The following UMAD1 variants were observed in gnomAD, a reference collection of about 807,000 sequenced individuals.
UMAD1 encodes the protein UBAP1-MVB12-associated (UMA) domain containing 1, also known as UBAP1-MVB12-associated (UMA)-domain containing protein 1.
A neutral mutation model predicts 6.1 loss-of-function variants in UMAD1; 8 were observed. The ratio of observed to expected loss-of-function variants is 1.30; its 90% CI spans 0.76 to 2.35. The LOEUF is 2.35. Among genes scored for constraint, UMAD1 ranks in the 30% most tolerant of loss-of-function variants. UMAD1 has a pLI of 0.00. For synonymous variants in UMAD1, 56 were observed against 31.4 expected, an observed-to-expected ratio of 1.78 and a Z score of -2.61; for missense variants, 130 against 78.4, an observed-to-expected ratio of 1.66 and a Z score of -2.49.
At chr7:7,745,176 C>T (rs930876758) in intron 2 of UMAD1, among the ~76,000 whole-genome samples, 3 of 152,144 alleles carry the variant, frequency 2.0e-5, no homozygotes, top group Non-Finnish European at 4.4e-5. Context: ...TAAAGGTCTT[C>T]ATTCTTGTTG....
At chr7:7,662,517 T>G (rs1343474745) in intron 1 of UMAD1, among the ~76,000 whole-genome samples, 1 of 151,990 alleles carries the variant, frequency 6.6e-6, no homozygotes. Context: ...CGGACCGGAG[T>G]GCACTGTTCC....
intron 2 of UMAD1, among the ~76,000 whole-genome samples, chr7:7,718,811 C>T (rs1321657558): frequency 6.6e-6 from 1 of 152,016 alleles, no homozygotes; most frequent in African/African-American, 2.4e-5. Context: ...CCAGCATTAG[C>T]TTTATTTAAC....
intron 2 of UMAD1, among the ~76,000 whole-genome samples, chr7:7,751,801 C>T (rs1014748175): frequency 6.6e-6 from 1 of 152,120 alleles, no homozygotes; most frequent in African/African-American, 2.4e-5. Context: ...AATGTGTTCA[C>T]GTGATCATAT....
At chr7:7,820,004 T>C (rs1783210466) in intron 3 of UMAD1, among the ~76,000 whole-genome samples, 1 of 152,214 alleles carries the variant, frequency 6.6e-6, no homozygotes, top group South Asian at 2.1e-4. Context: ...AGCAAAACAA[T>C]TGACCATGAC....
At chr7:7,871,229 G>A (rs1439151690) in intron 3 of UMAD1, among the ~76,000 whole-genome samples, 1 of 152,072 alleles carries the variant, frequency 6.6e-6, no homozygotes, top group Non-Finnish European at 1.5e-5. Flanking sequence ...CAAAATATTA[G>A]CATCTTTTTT....
chr7:7,726,029 A>G (rs559384093), intron 2 of UMAD1, among the ~76,000 whole-genome samples: 20 of 152,292 alleles, frequency 1.3e-4, no homozygotes, highest in Non-Finnish European at 2.2e-4. Flanking sequence ...ATGGAAGGAG[A>G]GATGGCCAAA....
chr7:7,794,003 A>G (rs1162170847), intron 2 of UMAD1, among the ~76,000 whole-genome samples: 2 of 152,214 alleles, frequency 1.3e-5, no homozygotes, highest in Non-Finnish European at 2.9e-5. Context: ...AAAGTGCATT[A>G]GGAAATCAAC....
chr7:7,673,730 GA>G (rs1779672277), intron 2 of UMAD1, among the ~76,000 whole-genome samples: 1 of 150,372 alleles, frequency 6.7e-6, no homozygotes, highest in African/African-American at 2.5e-5. Flanking sequence ...TTTAACTGTG[GA>G]AAATCTAAAG....
chr7:7,857,419 TAGGTCCCA>T (rs1784038430), intron 3 of UMAD1, among the ~76,000 whole-genome samples: 1 of 152,252 alleles, frequency 6.6e-6, no homozygotes, highest in South Asian at 2.1e-4. Flanking sequence ...GATTGCAGCC[TAGGTCCCA>T]ACCATCTGGC....
chr7:7,855,997 C>T lies in UMAD1; in HGVS notation c.157-21284C>T, dbSNP rs575525476. ...CCAGTTCCCATCAAGTTTCTTATCTCCACCTGAGACCACTCACCCTGGACT... is the reference window on the plus strand; with the variant it reads ...CCAGTTCCCATCAAGTTTCTTATCTTCACCTGAGACCACTCACCCTGGACT... On this transcript the variant is annotated intron_variant, in intron 3 of 3. Coordinates refer to ENST00000682710, the MANE Select transcript of UMAD1 (RefSeq NM_001302348.2). Among the ~76,000 whole-genome samples, 7 of 152,320 alleles carry T rather than the reference C, an allele frequency of 4.6e-5. 1 individual carries two copies. The highest frequency in any genetic ancestry group is 1.7e-4 in the African/African-American group (7 of 41,568).
intron 2 of UMAD1, chr7:7,675,993 C>T: frequency 2.5e-6 from 1 of 395,094 alleles, no homozygotes; most frequent in Non-Finnish European, 4.5e-6. Flanking sequence ...CTGTGGGTAC[C>T]ATTACTCTCC....
chr7:7,836,973 C>G (rs1783583800), intron 3 of UMAD1, among the ~76,000 whole-genome samples: 1 of 151,066 alleles, frequency 6.6e-6, no homozygotes, highest in African/African-American at 2.4e-5. Context: ...AAAAATCTGT[C>G]TTCAGATTTA....
At chr7:7,705,169 T>C (rs1234513175) in intron 2 of UMAD1, among the ~76,000 whole-genome samples, 3 of 152,210 alleles carry the variant, frequency 2.0e-5, no homozygotes, top group Non-Finnish European at 2.9e-5. Flanking sequence ...GATCTCAACT[T>C]AGGAATCTTG....
chr7:7,769,468 G>T (rs1182996640), intron 2 of UMAD1, among the ~76,000 whole-genome samples: 1 of 152,082 alleles, frequency 6.6e-6, no homozygotes, highest in Non-Finnish European at 1.5e-5. Context: ...TTTTCTTCAT[G>T]CGCCTTAGAG....
chr7:7,852,020 T>C (rs1482312667), intron 3 of UMAD1, among the ~76,000 whole-genome samples: 2 of 152,178 alleles, frequency 1.3e-5, no homozygotes. Context: ...TTTTATAGGC[T>C]TTTGATCAAC....
intron 1 of UMAD1, among the ~76,000 whole-genome samples, chr7:7,658,878 T>C: frequency 6.6e-6 from 1 of 152,216 alleles, no homozygotes; most frequent in East Asian, 1.9e-4. Context: ...TCAGAAGGAA[T>C]GGTACCAGCT....
At chr7:7,809,616 C>G (rs1782985096) in intron 3 of UMAD1, among the ~76,000 whole-genome samples, 1 of 151,892 alleles carries the variant, frequency 6.6e-6, no homozygotes, top group African/African-American at 2.4e-5. Context: ...ATTAAAGTCA[C>G]CATTCTGTGC....
At chr7:7,864,250 C>CA (rs1784182047) in intron 3 of UMAD1, among the ~76,000 whole-genome samples, 1 of 152,042 alleles carries the variant, frequency 6.6e-6, no homozygotes, top group Non-Finnish European at 1.5e-5. Context: ...TTTGTGGTCA[C>CA]AAAAAATCAC....
intron 3 of UMAD1, among the ~76,000 whole-genome samples, chr7:7,831,008 T>C (rs1485890041): frequency 6.6e-6 from 1 of 152,178 alleles, no homozygotes; most frequent in Non-Finnish European, 1.5e-5. Context: ...TCAATGCTTG[T>C]ATTTCTCTGA....
Sources: gnomAD v4.1 joint callset for allele counts (sites outside exome capture counted in the v4.1 genomes callset) on GRCh38, gnomAD v4.1.1 for gene constraint, MANE v1.5 for transcripts, NCBI Gene and HGNC (gene_info 2026-07-23, HGNC 2026-07-21) for gene names.